Variants in SEC14L5 observed in about 807,000 individuals in gnomAD.
SEC14L5 encodes SEC14-like protein 5.
In SEC14L5, 96 loss-of-function variants were observed where a neutral mutation model predicts 84.6. The ratio of observed to expected loss-of-function variants is 1.13; its 90% CI spans 0.96 to 1.34. SEC14L5 has a LOEUF of 1.34. Ranked by LOEUF, SEC14L5 falls within the 40% of genes most tolerant of loss-of-function variation. The probability of loss-of-function intolerance (pLI) is 0.00; values close to 1 mark genes in which losing one functional copy is unlikely to be tolerated. For synonymous variants in SEC14L5, 546 were observed against 383.4 expected, an observed-to-expected ratio of 1.42 and a Z score of -4.95; for missense variants, 1,224 against 942.5, an observed-to-expected ratio of 1.30 and a Z score of -3.91.
At chr16:4,960,774 C>G (rs893369159) in intron 2 of SEC14L5, 11 of 152,194 alleles carry the variant, frequency 7.2e-5, no homozygotes, top group African/African-American at 2.7e-4. Context: ...GTGTATAAAG[C>G]TCCTGGTACG....
At chr16:4,992,591 G>A (rs1955564086) in intron 6 of SEC14L5, among the ~76,000 whole-genome samples, 1 of 152,230 alleles carries the variant, frequency 6.6e-6, no homozygotes, top group South Asian at 2.1e-4. Context: ...AACCTCTGGT[G>A]CCTTGACATT....
chr16:5,012,126 G>T (rs1333111529), intron 15 of SEC14L5, among the ~76,000 whole-genome samples: 1 of 152,164 alleles, frequency 6.6e-6, no homozygotes, highest in Non-Finnish European at 1.5e-5. Context: ...AGAACACTGG[G>T]GCAGAGTCTT....
At chr16:5,001,918 G>A (rs886262116) in intron 10 of SEC14L5, among the ~76,000 whole-genome samples, 1 of 151,954 alleles carries the variant, frequency 6.6e-6, no homozygotes. Flanking sequence ...GACTATAAAT[G>A]TGCACCACCT....
chr16:4,974,401 G>T (rs911708936), intron 2 of SEC14L5, among the ~76,000 whole-genome samples: 1 of 151,784 alleles, frequency 6.6e-6, no homozygotes, highest in African/African-American at 2.4e-5. Flanking sequence ...ATGAGGTCTT[G>T]CTATGTTGCC....
At chr16:4,993,994 A>G (rs1012719129) in intron 6 of SEC14L5, among the ~76,000 whole-genome samples, 1 of 136,848 alleles carries the variant, frequency 7.3e-6, no homozygotes, top group African/African-American at 2.7e-5. Context: ...AATAATACAT[A>G]CTTGTTCTTG....
intron 8 of SEC14L5, among the ~76,000 whole-genome samples, chr16:4,997,750 C>T (rs1955627618): frequency 6.6e-6 from 1 of 152,192 alleles, no homozygotes; most frequent in Non-Finnish European, 1.5e-5. Context: ...CGTGCTCCCT[C>T]TGAAAGTTCT....
rs565146397 is a variant in SEC14L5, at chr16:4,983,199, A to G, written c.64-4358A>G. Among the ~76,000 whole-genome samples the G allele has an allele frequency of 1.4e-3, 206 of 151,956 alleles. 1 individual carries two copies. Among genetic ancestry groups the G allele is most frequent in the African/African-American group, 4.8e-3 (200 of 41,498 alleles). On this transcript the variant is annotated intron_variant, in intron 2 of 15. Transcript: ENST00000251170. ...TGTTGTTGTTGTTATTTTTTAGTAG[A>G]GACAGGGTTTCATCATGTTAGCCAG...
At position 4,996,960 on chromosome 16, in the gene SEC14L5, C is replaced by T; in HGVS notation, c.886C>T (p.Gln296Ter). 6.2e-7 allele frequency: 1 copy of T among 1,613,648 alleles called. No individual in the cohort carries two copies. Among genetic ancestry groups the T allele is most frequent in the East Asian group, 2.2e-5 (1 of 44,870 alleles). The change falls in exon 8 of 16, where the codon CAG (glutamine) becomes TAG (stop). Residue 296 changes from glutamine (Q) to a stop codon, truncating the protein, a stop_gained. Coordinates refer to ENST00000251170, the MANE Select transcript of SEC14L5 (RefSeq NM_014692.2). LOFTEE classifies it high-confidence loss of function. Reference sequence around the variant, plus strand: ...GTCCTTGAGCTGGCGCAAGCAGCACCAGGTGGATCTCCTCCTTCAGACCTG... The same window carrying T: ...GTCCTTGAGCTGGCGCAAGCAGCACTAGGTGGATCTCCTCCTTCAGACCTG... ...RQSLSWRKQH[Q>*]VDLLLQTWQP...
intron 15 of SEC14L5, among the ~76,000 whole-genome samples, chr16:5,011,563 A>G (rs1955804761): frequency 6.6e-6 from 1 of 152,080 alleles, no homozygotes; most frequent in South Asian, 2.1e-4. Context: ...GGAGTCTTAA[A>G]CCCTTCCATG....
At chr16:4,974,063 G>T (rs981027123) in intron 2 of SEC14L5, among the ~76,000 whole-genome samples, 2 of 152,050 alleles carry the variant, frequency 1.3e-5, no homozygotes, top group African/African-American at 4.8e-5. Context: ...ATGAGTGGTT[G>T]TCTAGGACTG....
At chr16:4,961,134 G>T (rs375063074) in intron 2 of SEC14L5, among the ~76,000 whole-genome samples, 2 of 152,070 alleles carry the variant, frequency 1.3e-5, no homozygotes, top group Non-Finnish European at 2.9e-5. Context: ...TTAGCCGGGC[G>T]TGGTGGCGCG....
At chr16:4,984,384 G>T (rs1955463252) in intron 2 of SEC14L5, among the ~76,000 whole-genome samples, 1 of 152,258 alleles carries the variant, frequency 6.6e-6, no homozygotes, top group South Asian at 2.1e-4. Context: ...CCTTTTTAAG[G>T]CTGTATAATA....
chr16:4,997,063 A>T lies in SEC14L5; in HGVS notation c.970+19A>T. The stretch of plus-strand genomic sequence containing the variant: ...GACATAGGTGCGTGCCTCCACCCAC[A>T]TCATGTATAGGGCATACTTTGGTCA... On this transcript the variant is annotated intron_variant, in intron 8 of 15. Transcript: ENST00000251170. 1 of 1,581,854 alleles carries T rather than the reference A, an allele frequency of 6.3e-7. No individual in the cohort carries two copies. Among genetic ancestry groups the T allele is most frequent in the South Asian group, 1.1e-5 (1 of 87,378 alleles).
chr16:4,996,292 T>A lies in SEC14L5; in HGVS notation c.668-56T>A. 3 of 1,053,544 alleles carry A rather than the reference T, an allele frequency of 2.8e-6. No homozygotes were observed. The South Asian group carries it at 4.2e-5, about 15-fold the overall frequency. The allele number at this position is 1,053,544 out of a possible 1,614,324, so 65.3% of individuals were successfully genotyped here. A position where few individuals can be genotyped will look rare whatever the true frequency, so the allele number is the denominator to read the frequency against. ...AGTAAGGAATGGCACACAGACCACA[T>A]GGTAAAGAGACGCAGCGTCTCCCTC... On this transcript the variant is annotated intron_variant, in intron 6 of 15. Transcript: ENST00000251170.
chr16:5,011,572 T>C (rs1018934079), intron 15 of SEC14L5, among the ~76,000 whole-genome samples: 1 of 152,176 alleles, frequency 6.6e-6, no homozygotes, highest in Non-Finnish European at 1.5e-5. Flanking sequence ...AACCCTTCCA[T>C]GTGGGCTTCC....
Position 5,009,129 on chromosome 16 carries a change from G to C in SEC14L5, c.1800+481G>C, listed in dbSNP as rs538427247. On this transcript the variant is annotated intron_variant, in intron 14 of 15. Transcript: ENST00000251170. The stretch of plus-strand genomic sequence containing the variant: ...AGGGAGGGGTTCATTCTATGCCTCT[G>C]TCCTAGCCTTAGGTAACTCCTGGCA... 9.2e-5 allele frequency among the ~76,000 whole-genome samples: 14 copies of C among 152,298 alleles called. No homozygotes were observed. The South Asian group carries it at 2.5e-3, about 27-fold the overall frequency.
chr16:5,002,776 C>G (rs1405528305), intron 10 of SEC14L5, among the ~76,000 whole-genome samples: 2 of 152,238 alleles, frequency 1.3e-5, no homozygotes, highest in African/African-American at 4.8e-5. Flanking sequence ...AGGACTTGAC[C>G]AAGATCACAC....
At chr16:4,963,582 G>C (rs888062212) in intron 2 of SEC14L5, among the ~76,000 whole-genome samples, 1 of 152,248 alleles carries the variant, frequency 6.6e-6, no homozygotes, top group Non-Finnish European at 1.5e-5. Flanking sequence ...CTGACCTCAA[G>C]TGTTCCGCCC....
At chr16:4,967,566 T>TCG (rs1568104318) in intron 2 of SEC14L5, among the ~76,000 whole-genome samples, 11 of 57,274 alleles carry the variant, frequency 1.9e-4, no homozygotes, top group Non-Finnish European at 2.3e-4. Context: ...TCTTTCGTTT[T>TCG]TTTTTTTTTT....
Sources: allele counts gnomAD v4.1 joint callset (sites outside exome capture counted in the v4.1 genomes callset), GRCh38; gene constraint gnomAD v4.1.1; transcripts MANE v1.5; gene names NCBI Gene and HGNC (gene_info 2026-07-23, HGNC 2026-07-21).